The following ADGB variants were observed in gnomAD, a reference collection of about 807,000 sequenced individuals.
The protein encoded by ADGB is androglobin, also known as calpain-7-like protein.
A neutral mutation model predicts 210.5 loss-of-function variants in ADGB; 172 were observed. That is an observed-to-expected ratio of 0.82 (90% CI 0.72 to 0.93). The LOEUF (loss-of-function observed/expected upper bound fraction) is 0.93, where lower values mean the gene tolerates loss of function less well. Among genes scored for constraint, ADGB ranks in the 40% least tolerant of loss-of-function variants. The pLI is 0.00. For synonymous variants in ADGB, 658 were observed against 662.7 expected, an observed-to-expected ratio of 0.99 and a Z score of 0.11; for missense variants, 2,025 against 1,964.8, an observed-to-expected ratio of 1.03 and a Z score of -0.58.
intron 3 of ADGB, among the ~76,000 whole-genome samples, chr6:146,649,471 T>C (rs1225235312): frequency 6.7e-6 from 1 of 149,234 alleles, no homozygotes; most frequent in Non-Finnish European, 1.5e-5. Flanking sequence ...TCTGAAGACA[T>C]TTTTATTTTT....
chr6:146,739,586 C>T (rs1009989559), intron 23 of ADGB, among the ~76,000 whole-genome samples: 2 of 152,140 alleles, frequency 1.3e-5, no homozygotes, highest in South Asian at 2.1e-4. Context: ...GAGTATGTGA[C>T]TTTTGTCTTC....
intron 4 of ADGB, among the ~76,000 whole-genome samples, chr6:146,656,489 T>C (rs751382912): frequency 8.5e-5 from 13 of 152,178 alleles, no homozygotes; most frequent in Admixed American, 3.9e-4. Flanking sequence ...CAGTGTCAAA[T>C]AGAAGTCGTG....
intron 25 of ADGB, among the ~76,000 whole-genome samples, chr6:146,745,544 G>A (rs1777215362): frequency 6.6e-6 from 1 of 152,178 alleles, no homozygotes; most frequent in Non-Finnish European, 1.5e-5. Context: ...CAGAAAGATA[G>A]ATCTGGGTTA....
chr6:146,646,116 T>C (rs1775607234), intron 3 of ADGB, among the ~76,000 whole-genome samples: 1 of 152,106 alleles, frequency 6.6e-6, no homozygotes, highest in Non-Finnish European at 1.5e-5. Flanking sequence ...AAAAGTTTTT[T>C]CCCTGAGGTT....
chr6:146,628,987 A>G (rs997438133), intron 1 of ADGB, among the ~76,000 whole-genome samples: 2 of 152,178 alleles, frequency 1.3e-5, no homozygotes, highest in Non-Finnish European at 2.9e-5. Flanking sequence ...TCACAAAGTT[A>G]ATTTGTTTAC....
At chr6:146,780,778 G>A (rs865848271) in intron 29 of ADGB, among the ~76,000 whole-genome samples, 9 of 152,138 alleles carry the variant, frequency 5.9e-5, no homozygotes, top group Admixed American at 5.2e-4. Context: ...TTTTAATAAT[G>A]AGTAGACAAA....
intron 27 of ADGB, among the ~76,000 whole-genome samples, chr6:146,762,260 T>C (rs1056152829): frequency 6.6e-6 from 1 of 152,166 alleles, no homozygotes; most frequent in African/African-American, 2.4e-5. Context: ...TTCTATTGCT[T>C]GTATTCAAGT....
chr6:146,667,514 C>T (rs1247366344), intron 7 of ADGB, among the ~76,000 whole-genome samples: 1 of 151,956 alleles, frequency 6.6e-6, no homozygotes, highest in Non-Finnish European at 1.5e-5. Context: ...TCTGCTTCTT[C>T]ATAGGGATTG....
Position 146,664,443 on chromosome 6 carries a change from C to T in ADGB, c.752+103C>T, listed in dbSNP as rs538075297. 7.0e-5 allele frequency: 85 copies of T among 1,219,430 alleles called. No individual in the cohort carries two copies. The African/African-American group carries it at 9.5e-4, about 14-fold the overall frequency. The allele number at this position is 1,219,430 out of a possible 1,614,324, so 75.5% of individuals were successfully genotyped here. On this transcript the variant is annotated intron_variant, in intron 6 of 35. Coordinates refer to ENST00000397944, the MANE Select transcript of ADGB (RefSeq NM_024694.4). ...TATTTTTTTAAAATTAGCTAAAAGA[C>T]AGCTTTTTCCCCTAAACAATGTAAT... is the stretch of plus-strand genomic sequence containing the variant.
intron 1 of ADGB, among the ~76,000 whole-genome samples, chr6:146,619,602 G>A (rs554309744): frequency 7.6e-4 from 115 of 152,036 alleles, no homozygotes; most frequent in Non-Finnish European, 1.3e-3. Context: ...GTTATAACAC[G>A]TTATTTTAAA....
intron 35 of ADGB, chr6:146,803,047 G>A (rs2114667121): frequency 6.4e-7 from 1 of 1,574,372 alleles, no homozygotes; most frequent in Non-Finnish European, 8.7e-7. Context: ...TTTACTAGAA[G>A]CAACAAGTCT....
intron 3 of ADGB, among the ~76,000 whole-genome samples, chr6:146,651,079 A>G (rs141373889): frequency 2.0e-5 from 3 of 152,306 alleles, no homozygotes; most frequent in Admixed American, 6.5e-5. Flanking sequence ...TTCCTCACAC[A>G]GACAGAGAAT....
intron 33 of ADGB, among the ~76,000 whole-genome samples, chr6:146,793,724 TAA>T (rs1777990832): frequency 6.6e-6 from 1 of 152,194 alleles, no homozygotes; most frequent in Non-Finnish European, 1.5e-5. Context: ...GAAGTTGGTA[TAA>T]GAGTTTGAAA....
chr6:146,724,451 T>C (rs1203984611), intron 18 of ADGB, 124 bp downstream of exon 18: 1 of 967,006 alleles, frequency 1.0e-6, no homozygotes, highest in Non-Finnish European at 1.5e-6. Context: ...TCTCAAGGCA[T>C]AGGTCCATGA....
At chr6:146,788,716 A>G in intron 33 of ADGB, 106 bp downstream of exon 33, 4 of 1,039,734 alleles carry the variant, frequency 3.8e-6, no homozygotes, top group Non-Finnish European at 5.6e-6. Context: ...AGAAGTAGAA[A>G]AGATGTCTTT....
chr6:146,643,944 T>C (rs1443278708), intron 2 of ADGB, among the ~76,000 whole-genome samples: 1 of 151,920 alleles, frequency 6.6e-6, no homozygotes, highest in Non-Finnish European at 1.5e-5. Flanking sequence ...TGGTGGGATT[T>C]CATCTATGTA....
intron 3 of ADGB, among the ~76,000 whole-genome samples, chr6:146,653,277 A>G (rs1314903204): frequency 6.6e-6 from 1 of 151,998 alleles, no homozygotes; most frequent in Non-Finnish European, 1.5e-5. Flanking sequence ...TTCATTACAT[A>G]TTACAATGGA....
At chr6:146,695,586 A>G (rs1776391064) in intron 12 of ADGB, among the ~76,000 whole-genome samples, 1 of 151,824 alleles carries the variant, frequency 6.6e-6, no homozygotes, top group Non-Finnish European at 1.5e-5. Context: ...ACATGGGGCT[A>G]TGTAAAATTT....
intron 13 of ADGB, among the ~76,000 whole-genome samples, 171 bp from the exon 14 acceptor site, chr6:146,715,211 C>CT (rs1383540373): frequency 6.6e-6 from 1 of 152,036 alleles, no homozygotes; most frequent in Non-Finnish European, 1.5e-5. Context: ...CATTCATGTC[C>CT]TTTGACATTT....
Sources: gnomAD v4.1 joint callset for allele counts (sites outside exome capture counted in the v4.1 genomes callset) on GRCh38, gnomAD v4.1.1 for gene constraint, MANE v1.5 for transcripts, NCBI Gene and HGNC (gene_info 2026-07-23, HGNC 2026-07-21) for gene names.